SPTB: variants seen among roughly 807,000 people sequenced by gnomAD.
SPTB encodes the protein spectrin beta, erythrocytic.
In SPTB, 45 loss-of-function variants were observed where a neutral mutation model predicts 256.2. The ratio of observed to expected loss-of-function variants is 0.18; its 90% confidence interval spans 0.14 to 0.23. The LOEUF is 0.23. SPTB is among the 10% of genes least tolerant of loss of function. The pLI is 1.00. For missense variants in SPTB, 2,715 were observed against 3,040.4 expected (o/e 0.89, Z 2.52); for synonymous variants, 1,231 against 1,243.1 (o/e 0.99, Z 0.21).
At chr14:64,788,903 T>G (rs989195139) in intron 15 of SPTB, among the ~76,000 whole-genome samples, 7 of 152,238 alleles carry the variant, frequency 4.6e-5, no homozygotes, top group Non-Finnish European at 1.0e-4. Context: ...CGGTGAAAGA[T>G]GATCACACAT....
chr14:64,850,610 T>C (rs1298467805), intron 1 of SPTB, among the ~76,000 whole-genome samples: 6 of 152,142 alleles, frequency 3.9e-5, no homozygotes, highest in Admixed American at 3.3e-4. Flanking sequence ...CGCCCAACAA[T>C]GAAGAGTTCA....
chr14:64,805,255 G>C (rs183792773), intron 2 of SPTB, among the ~76,000 whole-genome samples, 165 bp from the exon 3 acceptor site: 2 of 152,124 alleles, frequency 1.3e-5, no homozygotes, highest in African/African-American at 2.4e-5. Flanking sequence ...TCAAGGTGTA[G>C]CAATACCGGT....
chr14:64,784,250 A>G lies in SPTB; in HGVS notation c.3999T>C (p.Asp1333=), dbSNP rs2082522810. 3.1e-6 allele frequency: 5 copies of G among 1,614,158 alleles called. No homozygotes were observed. Among genetic ancestry groups the G allele is most frequent in the Admixed American group, 1.7e-5 (1 of 60,014 alleles). Residue 1333 remains aspartate, a synonymous_variant, in exon 19 of 36, where the codon GAT becomes GAC. Transcript: ENST00000644917. The part of the protein sequence containing the change: ...ASHEGWLENI[D]AEGKQLMDEK... ...GCCGCCCAATCACTTTACTTACCGC[A>G]TCGATGTTCTCTAGCCACCCTTCAT...
At chr14:64,878,985 G>A (rs1482174310) in intron 1 of SPTB, among the ~76,000 whole-genome samples, 1 of 152,232 alleles carries the variant, frequency 6.6e-6, no homozygotes, top group Non-Finnish European at 1.5e-5. Context: ...CCCAGCCTGG[G>A]AAGTACGGAT....
intron 20 of SPTB, among the ~76,000 whole-genome samples, chr14:64,781,078 A>G (rs1466813197): frequency 2.6e-5 from 4 of 152,242 alleles, no homozygotes; most frequent in Non-Finnish European, 5.9e-5. Context: ...TAAACTCAAG[A>G]TGGATTACAG....
Position 64,785,402 on chromosome 14 carries a change from T to C in SPTB, c.3855+135A>G. ...GATTCCAGAGAATGACCCAATTAAG[T>C]ACCCAGAGGTCCCCGCTCATGGAAT... On this transcript the variant is annotated intron_variant, in intron 18 of 35. Transcript: ENST00000644917. This position sits in a 1 kb window ranked among gnomAD's most constrained non-coding sequence, Gnocchi z 4.4. The C allele has an allele frequency of 1.3e-6, 1 of 758,658 alleles. No individual in the cohort carries two copies. Among genetic ancestry groups the C allele is most frequent in the Admixed American group, 2.3e-5 (1 of 44,048 alleles). The allele number at this position is 758,658 out of a possible 1,614,324, so 47.0% of individuals were successfully genotyped here. A position where few individuals can be genotyped will look rare whatever the true frequency, so the allele number is the denominator to read the frequency against.
intron 10 of SPTB, among the ~76,000 whole-genome samples, chr14:64,797,331 G>A (rs2082789748): frequency 6.6e-6 from 1 of 151,956 alleles, no homozygotes; most frequent in Admixed American, 6.6e-5. Context: ...TTAGCCAGGT[G>A]TGGTGGTGCA....
chr14:64,784,522 TC>T, intron 18 of SPTB, 129 bp from the exon 19 acceptor site: 2 of 1,236,478 alleles, frequency 1.6e-6, no homozygotes, highest in Admixed American at 3.4e-5. Context: ...AGAGAACCCA[TC>T]TGCAGTTCTG....
intron 1 of SPTB, among the ~76,000 whole-genome samples, chr14:64,861,330 T>C (rs1312318097): frequency 6.6e-6 from 1 of 151,866 alleles, no homozygotes; most frequent in Admixed American, 6.6e-5. Flanking sequence ...GAAGAAGAAA[T>C]AAAGGAGAAA....
rs376122148 is a variant in SPTB at position 64,773,258 on chromosome 14, A to T, written c.5140T>A (p.Ser1714Thr). The T allele has an allele frequency of 3.1e-6, 5 of 1,614,126 alleles. No homozygotes were observed. The highest frequency in any genetic ancestry group is 4.2e-6 in the Non-Finnish European group (5 of 1,180,050). Reference protein sequence around the residue: ...QWISEKELVASSPEMGQDFDH... With the variant: ...QWISEKELVATSPEMGQDFDH... ...AAGTCTTGCCCCATTTCCGGGGAAG[A>T]GGCCACTAGCTCCTTTTCTGAAATC... Residue 1714 changes from serine to threonine, a missense_variant, in exon 25 of 36, where the codon TCT (serine) becomes ACT (threonine). Ser to Thr is a moderately conservative substitution (Grantham distance 58). Transcript: ENST00000644917.
chr14:64,772,600 G>A lies in SPTB; in HGVS notation c.5533C>T (p.Leu1845Phe), dbSNP rs1474309123. 5 of 1,609,348 alleles carry A rather than the reference G, an allele frequency of 3.1e-6. No homozygotes were observed. The East Asian group carries it at 8.9e-5, about 29-fold the overall frequency. ...GGTACCTGGACACCCAGCAGGTGGA[G>A]CTCCCGCTCGAAGGCTGTGTGCACC... ...HRVHTAFERE[L>F]HLLGVQVQQF... The change falls in exon 26 of 36, where the codon CTC becomes TTC. Residue 1845 changes from leucine (L) to phenylalanine (F), a missense_variant. This residue lies in a region of SPTB where 2,239 missense variants were observed against 2,384.4 expected (regional missense o/e 0.94). Transcript: ENST00000644917. This position sits in a 1 kb window ranked among gnomAD's most constrained non-coding sequence, Gnocchi z 5.4.
At chr14:64,801,190 C>A (rs533047231) in intron 7 of SPTB, 95 bp downstream of exon 7, 5 of 1,087,210 alleles carry the variant, frequency 4.6e-6, no homozygotes, top group East Asian at 2.6e-5. Context: ...GCACCTGGGC[C>A]GGCCTCCAGA....
At chr14:64,805,198 A>G in intron 2 of SPTB, 108 bp from the exon 3 acceptor site, 1 of 1,294,584 alleles carries the variant, frequency 7.7e-7, no homozygotes, top group Non-Finnish European at 1.1e-6. Context: ...TGCTTGGCAG[A>G]GGAAGTCGAT....
Position 64,824,601 on chromosome 14 carries a change from G to A in SPTB, c.-51-1456C>T, listed in dbSNP as rs2083348338. 6.6e-6 allele frequency among the ~76,000 whole-genome samples: 1 copy of A among 152,192 alleles called. No homozygotes were observed. Among genetic ancestry groups the A allele is most frequent in the Non-Finnish European group, 1.5e-5 (1 of 68,020 alleles). ...GAGCAAAGCGGGAGGCAGGGAGGCTGTGAGGCAGACCTGTGATGGGGGTTG... is the reference window on the plus strand; with the variant it reads ...GAGCAAAGCGGGAGGCAGGGAGGCTATGAGGCAGACCTGTGATGGGGGTTG... On this transcript the variant is annotated intron_variant, in intron 1 of 35. Coordinates refer to ENST00000644917, the MANE Select transcript of SPTB (RefSeq NM_001355436.2). This position sits in a 1 kb window ranked among gnomAD's most constrained non-coding sequence, Gnocchi z 5.7.
chr14:64,746,331 GT>G lies in SPTB; in HGVS notation c.*2974del. On this transcript the variant is annotated 3_prime_UTR_variant, in exon 36 of 36. Transcript: ENST00000644917. The surrounding 1 kb of genome is among the most constrained non-coding windows in gnomAD (Gnocchi z 4.9). ...AAAACTAGTAAATGGGTTTCCTCTG[GT>G]TGGTGGAAGCACGGTTGAGCAGGTG... 1 of 152,664 alleles carries G rather than the reference GT, an allele frequency of 6.6e-6. No individual in the cohort carries two copies. The highest frequency in any genetic ancestry group is 2.1e-4 in the South Asian group (1 of 4,828). The allele number at this position is 152,664 out of a possible 1,614,324, so 9.5% of individuals were successfully genotyped here.
intron 33 of SPTB, among the ~76,000 whole-genome samples, chr14:64,751,946 T>TAAAAAAACAAAAAAA (rs1566731898): frequency 1.1e-5 from 1 of 90,440 alleles, no homozygotes; most frequent in Non-Finnish European, 2.5e-5. Flanking sequence ...AAAAAAAAAT[T>TAAAAAAACAAAAAAA]AGCCAGGCGT....
intron 1 of SPTB, among the ~76,000 whole-genome samples, chr14:64,851,676 A>G (rs1268906456): frequency 1.3e-5 from 2 of 152,186 alleles, no homozygotes; most frequent in African/African-American, 4.8e-5. Flanking sequence ...ATGGAATACT[A>G]TGCAGCCATA....
intron 1 of SPTB, among the ~76,000 whole-genome samples, chr14:64,854,875 C>T (rs1594846686): frequency 6.6e-6 from 1 of 152,290 alleles, no homozygotes; most frequent in East Asian, 1.9e-4. Context: ...CCAGAAACTC[C>T]CCTACAAATG....
intron 1 of SPTB, among the ~76,000 whole-genome samples, chr14:64,874,856 A>G (rs1308012773): frequency 1.3e-5 from 2 of 152,190 alleles, no homozygotes; most frequent in African/African-American, 4.8e-5. Context: ...ATTCGAAGCA[A>G]TTATTGTTCT....
Sources: gnomAD v4.1 joint callset for allele counts (sites outside exome capture counted in the v4.1 genomes callset) on GRCh38, gnomAD v4.1.1 for gene constraint, gnomAD v4.1.1 regional missense constraint, Gnocchi (gnomAD v3.1) non-coding constraint, MANE v1.5 for transcripts, NCBI Gene and HGNC (gene_info 2026-07-23, HGNC 2026-07-21) for gene names.